USP46: variants seen among roughly 807,000 people sequenced by gnomAD.
USP46 encodes ubiquitin carboxyl-terminal hydrolase 46.
A neutral mutation model predicts 44.4 loss-of-function variants in USP46; 12 were observed. The observed-to-expected ratio is 0.27, with a 90% CI of 0.17 to 0.44. USP46 has a LOEUF of 0.44. Among genes scored for constraint, USP46 ranks in the 20% least tolerant of loss-of-function variants. The probability of loss-of-function intolerance (pLI) is 1.00; values close to 1 mark genes in which losing one functional copy is unlikely to be tolerated. For missense variants in USP46, 248 were observed against 444.8 expected, an observed-to-expected ratio of 0.56 and a Z score of 3.98; for synonymous variants, 155 against 161.5, an observed-to-expected ratio of 0.96 and a Z score of 0.31.
At chr4:52,612,405 T>A (rs1052046184) in intron 4 of USP46, among the ~76,000 whole-genome samples, 1 of 152,194 alleles carries the variant, frequency 6.6e-6, no homozygotes, top group Non-Finnish European at 1.5e-5. Context: ...GGCTTCTTTG[T>A]CATATGGCTT....
chr4:52,624,538 T>C (rs1717502171), intron 4 of USP46, among the ~76,000 whole-genome samples: 1 of 152,192 alleles, frequency 6.6e-6, no homozygotes, highest in South Asian at 2.1e-4. Flanking sequence ...GACTCAAAAA[T>C]TGTTTAAAAG....
At chr4:52,624,551 T>C (rs1306448530) in intron 4 of USP46, among the ~76,000 whole-genome samples, 1 of 152,242 alleles carries the variant, frequency 6.6e-6, no homozygotes, top group Non-Finnish European at 1.5e-5. Context: ...TTTAAAAGCA[T>C]GGAAGAAAGA....
Position 52,659,204 on chromosome 4 carries a change from G to C in USP46, c.-54C>G. ...CGCCATCTTTACAAGGGGAAACCGGGACTGCCCATGGTGGCGCGCTGGCGG... is the reference window on the plus strand; with the variant it reads ...CGCCATCTTTACAAGGGGAAACCGGCACTGCCCATGGTGGCGCGCTGGCGG... On this transcript the variant is annotated 5_prime_UTR_variant, in exon 1 of 9. Transcript: ENST00000441222. The surrounding 1 kb of genome is among the most constrained non-coding windows in gnomAD (Gnocchi z 4.2). The C allele has an allele frequency of 6.7e-7, 1 of 1,496,534 alleles. No homozygotes were observed. The highest frequency in any genetic ancestry group is 8.9e-7 in the Non-Finnish European group (1 of 1,119,364). 92.7% of individuals were successfully genotyped at this position (1,496,534 alleles called of 1,614,324 possible).
At chr4:52,610,734 C>A in intron 4 of USP46, 117 bp from the exon 5 acceptor site, 2 of 928,284 alleles carry the variant, frequency 2.2e-6, no homozygotes, top group Non-Finnish European at 1.7e-6. Flanking sequence ...TAAAGTCCTG[C>A]ATGGACATGT....
chr4:52,637,345 C>T (rs1478467876), intron 1 of USP46, among the ~76,000 whole-genome samples: 1 of 152,198 alleles, frequency 6.6e-6, no homozygotes, highest in African/African-American at 2.4e-5. Flanking sequence ...CCAACCATTT[C>T]CAACTCTTTC....
chr4:52,612,599 T>A (rs1716976157), intron 4 of USP46, among the ~76,000 whole-genome samples: 1 of 152,234 alleles, frequency 6.6e-6, no homozygotes, highest in Non-Finnish European at 1.5e-5. Flanking sequence ...CAGGCTAGCC[T>A]GCTGTTCCCA....
In USP46 at chr4:52,597,715, T is replaced by C; in HGVS notation, c.1026A>G (p.Glu342=). 6.2e-7 allele frequency: 1 copy of C among 1,602,814 alleles called. No individual in the cohort carries two copies. The highest frequency in any genetic ancestry group is 8.5e-7 in the Non-Finnish European group (1 of 1,174,582). ...VEKIDAQAIE[E]FYGLTSDISK... ...ATATATCTGACGTCAGGCCATAGAA[T>C]TCTTCAATAGCTTGAGCATCTATTT... is the stretch of plus-strand genomic sequence containing the variant. Residue 342 remains glutamate, a synonymous_variant, in exon 9 of 9, where the codon GAA becomes GAG. Coordinates refer to ENST00000441222, the MANE Select transcript of USP46 (RefSeq NM_022832.4).
intron 8 of USP46, among the ~76,000 whole-genome samples, chr4:52,598,384 TAGAG>T (rs996893226): frequency 2.0e-5 from 3 of 152,162 alleles, no homozygotes; most frequent in African/African-American, 4.8e-5. Context: ...GTGGCACAGA[TAGAG>T]AGATCCCATG....
rs147334392 is a variant in USP46, at chr4:52,610,531, G to A, written c.638+10C>T. 49 of 1,612,924 alleles carry A rather than the reference G, an allele frequency of 3.0e-5. No individual in the cohort carries two copies. In the African/African-American group the frequency reaches 6.0e-4, roughly 20 times the overall value. On this transcript the variant is annotated intron_variant, in intron 5 of 8. Transcript: ENST00000441222. ...GATCAAAAGCTCAAACTGCCTCAGA[G>A]TTCATATACCTTAGACAGTGGGTAA... is the stretch of plus-strand genomic sequence containing the variant.
intron 1 of USP46, among the ~76,000 whole-genome samples, chr4:52,632,990 A>AAAGAAAGGAAAGAAAAGAAAG: frequency 1.5e-5 from 1 of 66,292 alleles, no homozygotes; most frequent in African/African-American, 6.1e-5. Context: ...GAAAGAAAAG[A>AAAGAAAGGAAAGAAAAGAAAG]AAAGAAAGAA....
chr4:52,594,272 G>C lies in USP46; in HGVS notation c.*3368C>G, dbSNP rs1716140650. On this transcript the variant is annotated 3_prime_UTR_variant, in exon 9 of 9. Transcript: ENST00000441222. ...CAAGATTGACATTATTGCTTAAAGT[G>C]CTTGAATTGGTTACATTTTAAAAAA... 1.3e-5 allele frequency: 2 copies of C among 152,112 alleles called. No individual in the cohort carries two copies. The highest frequency in any genetic ancestry group is 1.3e-4 in the Admixed American group (2 of 15,268). 9.4% of individuals were successfully genotyped at this position (152,112 alleles called of 1,614,324 possible). A position where few individuals can be genotyped will look rare whatever the true frequency, so the allele number is the denominator to read the frequency against.
chr4:52,622,795 CAG>C (rs1717430265), intron 4 of USP46, among the ~76,000 whole-genome samples: 2 of 152,156 alleles, frequency 1.3e-5, no homozygotes, highest in South Asian at 4.1e-4. Flanking sequence ...AGTCAAGCAA[CAG>C]GGGCAGGTGG....
intron 5 of USP46, among the ~76,000 whole-genome samples, chr4:52,609,862 AAAAAAATTATGG>A (rs1183931569): frequency 2.0e-5 from 3 of 148,696 alleles, no homozygotes; most frequent in Non-Finnish European, 4.4e-5. Flanking sequence ...TCCAGGAAAA[AAAAAAATTATGG>A]AAACCTAAAC....
chr4:52,646,805 A>G (rs1186729145), intron 1 of USP46, among the ~76,000 whole-genome samples: 3 of 152,206 alleles, frequency 2.0e-5, no homozygotes, highest in Non-Finnish European at 4.4e-5. Context: ...TTCTAATAAG[A>G]GAAATGCAAA....
intron 5 of USP46, among the ~76,000 whole-genome samples, chr4:52,605,442 T>C (rs1277936905): frequency 1.3e-5 from 2 of 152,250 alleles, no homozygotes; most frequent in Admixed American, 1.3e-4. Flanking sequence ...CCCTATAGTT[T>C]TGAAAAATTC....
At chr4:52,604,213 TTATC>T (rs1262795140) in intron 6 of USP46, among the ~76,000 whole-genome samples, 1 of 152,234 alleles carries the variant, frequency 6.6e-6, no homozygotes, top group Admixed American at 6.5e-5. Flanking sequence ...CATTACTTGT[TTATC>T]TAGCATAATA....
In USP46 at chr4:52,597,264, T is replaced by C. The variant is rs1577653658; in HGVS notation, c.*376A>G. The C allele has an allele frequency of 1.7e-5, 3 of 177,982 alleles. No individual in the cohort carries two copies. In the South Asian group the frequency reaches 4.1e-4, roughly 24 times the overall value. 11.0% of individuals were successfully genotyped at this position (177,982 alleles called of 1,614,324 possible). Reference sequence around the variant, plus strand: ...TCCAGGGACAAGTTAAAGGAATGCATTGTAAGAAGACCCTGGAAGCCATAG... The same window carrying C: ...TCCAGGGACAAGTTAAAGGAATGCACTGTAAGAAGACCCTGGAAGCCATAG... On this transcript the variant is annotated 3_prime_UTR_variant, in exon 9 of 9. Transcript: ENST00000441222.
At position 52,627,974 on chromosome 4, in the gene USP46, T is replaced by A. The variant is rs1717656701; in HGVS notation, c.307A>T (p.Ile103Phe). ...CCATTCTCTTTTCTCAGCCTTGAAATGAACTTCTTTGGTGGGATGACGCCA... is the reference window on the plus strand; with the variant it reads ...CCATTCTCTTTTCTCAGCCTTGAAAAGAACTTCTTTGGTGGGATGACGCCA... ...KVGVIPPKKF[I>F]SRLRKENDLF... Residue 103 changes from isoleucine (I) to phenylalanine (F), a missense_variant, in exon 3 of 9, where the codon ATT becomes TTT. Around this residue, in one of 5 missense-constraint regions of USP46, gnomAD observed 54 missense variants for 135.0 expected, o/e 0.40. Transcript: ENST00000441222. 6.2e-7 allele frequency: 1 copy of A among 1,613,570 alleles called. No homozygotes were observed. Among genetic ancestry groups the A allele is most frequent in the Non-Finnish European group, 8.5e-7 (1 of 1,179,768 alleles).
intron 1 of USP46, chr4:52,656,725 G>T: frequency 2.6e-6 from 1 of 383,542 alleles, no homozygotes; most frequent in South Asian, 9.5e-5. Context: ...ACTTGTTCAA[G>T]GACACAAAGC....
Sources: allele counts gnomAD v4.1 joint callset (sites outside exome capture counted in the v4.1 genomes callset), GRCh38; gene constraint gnomAD v4.1.1; regional missense constraint gnomAD v4.1.1; non-coding constraint Gnocchi (gnomAD v3.1); transcripts MANE v1.5; gene names NCBI Gene and HGNC (gene_info 2026-07-23, HGNC 2026-07-21).